ROBO2: variants seen among roughly 807,000 people sequenced by gnomAD.
ROBO2 encodes roundabout homolog 2.
A neutral mutation model predicts 160.8 loss-of-function variants in ROBO2; 53 were observed. That is an observed-to-expected ratio of 0.33 (90% confidence interval 0.26 to 0.41). The LOEUF is 0.41. ROBO2 is among the 10% of genes least tolerant of loss of function. The pLI, the probability that ROBO2 is intolerant of heterozygous loss-of-function variation, is 1.00. For missense variants in ROBO2, 1,577 were observed against 1,722.4 expected, an observed-to-expected ratio of 0.92 and a Z score of 1.49; for synonymous variants, 664 against 611.7, an observed-to-expected ratio of 1.09 and a Z score of -1.26.
chr3:76,941,513 A>G (rs771865057), intron 2 of ROBO2, among the ~76,000 whole-genome samples: 1 of 152,166 alleles, frequency 6.6e-6, no homozygotes, highest in Non-Finnish European at 1.5e-5. Context: ...GGCTTCAGCT[A>G]CACTAGTCTT....
chr3:77,627,037 G>A (rs6802836), intron 23 of ROBO2, among the ~76,000 whole-genome samples: 110,729 of 152,020 alleles, frequency 0.73, 40,501 homozygotes, highest in East Asian at 0.84. Flanking sequence ...TTTAGTATTA[G>A]GGAAAAGTTC....
intron 2 of ROBO2, among the ~76,000 whole-genome samples, chr3:76,133,362 A>G (rs1013047737): frequency 2.0e-5 from 3 of 151,652 alleles, no homozygotes; most frequent in Non-Finnish European, 4.4e-5. Context: ...TCAAATATAT[A>G]TTTTCTCTAG....
intron 21 of ROBO2, among the ~76,000 whole-genome samples, chr3:77,616,592 G>A (rs1487196235): frequency 6.6e-6 from 1 of 152,062 alleles, no homozygotes. Flanking sequence ...GATTCACTAG[G>A]TATTTAAGAG....
chr3:77,239,817 G>A (rs12489283), intron 2 of ROBO2, among the ~76,000 whole-genome samples: 30,955 of 152,064 alleles, frequency 0.2, 3,546 homozygotes, highest in East Asian at 0.48. Flanking sequence ...CCTTGAGCTA[G>A]ACACAGAGTG....
chr3:76,739,976 T>A (rs777483139), intron 2 of ROBO2, among the ~76,000 whole-genome samples: 6 of 152,212 alleles, frequency 3.9e-5, no homozygotes, highest in Non-Finnish European at 8.8e-5. Context: ...ATATTATGGG[T>A]CTTCCATTTC....
chr3:76,488,380 G>A (rs949032936), intron 2 of ROBO2, among the ~76,000 whole-genome samples: 1 of 152,108 alleles, frequency 6.6e-6, no homozygotes, highest in African/African-American at 2.4e-5. Context: ...CTCTCTGGCT[G>A]TTGAGCTGGA....
At chr3:77,547,600 G>A (rs2092747599) in intron 7 of ROBO2, among the ~76,000 whole-genome samples, 1 of 152,034 alleles carries the variant, frequency 6.6e-6, no homozygotes, top group African/African-American at 2.4e-5. Flanking sequence ...AATTGTTGTG[G>A]GTTTCTATAA....
intron 2 of ROBO2, among the ~76,000 whole-genome samples, chr3:76,894,204 A>G (rs897935656): frequency 2.4e-4 from 36 of 152,078 alleles, no homozygotes; most frequent in African/African-American, 6.5e-4. Context: ...TGTTATTTCA[A>G]TGCATTTTGG....
At chr3:77,595,205 CATT>C (rs2094273688) in intron 18 of ROBO2, 21 bp downstream of exon 19, 1 of 1,583,778 alleles carries the variant, frequency 6.3e-7, no homozygotes. Context: ...GAGATTGTTT[CATT>C]ATTATTTTTA....
chr3:77,170,520 C>T (rs2079533875), intron 2 of ROBO2, among the ~76,000 whole-genome samples: 1 of 151,952 alleles, frequency 6.6e-6, no homozygotes, highest in Non-Finnish European at 1.5e-5. Context: ...TCCAATAAGT[C>T]AGTAAGCATT....
intron 2 of ROBO2, among the ~76,000 whole-genome samples, chr3:77,309,355 A>T (rs1309094403): frequency 6.6e-6 from 1 of 152,182 alleles, no homozygotes; most frequent in Non-Finnish European, 1.5e-5. Context: ...TGTGATACCA[A>T]TTACAAGAAG....
intron 2 of ROBO2, among the ~76,000 whole-genome samples, chr3:77,160,368 C>G (rs908150773): frequency 4.6e-5 from 7 of 151,890 alleles, no homozygotes; most frequent in African/African-American, 7.3e-5. Context: ...TTGGAAAATA[C>G]TTTTTTCTTA....
chr3:76,294,615 G>A (rs184837588), intron 2 of ROBO2, among the ~76,000 whole-genome samples: 5 of 152,094 alleles, frequency 3.3e-5, no homozygotes, highest in South Asian at 2.1e-4. Context: ...GAAATGTGAC[G>A]GTAGAATGCT....
At chr3:77,625,116 T>A (rs2094983610) in intron 23 of ROBO2, among the ~76,000 whole-genome samples, 1 of 152,018 alleles carries the variant, frequency 6.6e-6, no homozygotes, top group African/African-American at 2.4e-5. Context: ...TTGTGAGGGA[T>A]CTCTTAAATT....
intron 2 of ROBO2, among the ~76,000 whole-genome samples, chr3:76,760,486 C>T (rs1367375195): frequency 1.3e-5 from 2 of 151,636 alleles, no homozygotes; most frequent in Non-Finnish European, 3.0e-5. Flanking sequence ...TTTCTGGCTT[C>T]AAGAAAAGGC....
At chr3:76,100,042 G>A (rs989844067) in intron 2 of ROBO2, among the ~76,000 whole-genome samples, 5 of 152,182 alleles carry the variant, frequency 3.3e-5, no homozygotes, top group African/African-American at 1.2e-4. Context: ...ATAGCCTCAT[G>A]CATAGTCCTG....
At chr3:77,141,283 GCC>G (rs149819210) in intron 2 of ROBO2, among the ~76,000 whole-genome samples, 10 of 146,968 alleles carry the variant, frequency 6.8e-5, no homozygotes, top group African/African-American at 2.5e-4. Context: ...TACATATAAA[GCC>G]CCCCCCCCTT....
chr3:76,261,022 G>A (rs1706710694), intron 2 of ROBO2, among the ~76,000 whole-genome samples: 1 of 151,998 alleles, frequency 6.6e-6, no homozygotes, highest in Admixed American at 6.6e-5. Flanking sequence ...TAGTAAGAAA[G>A]ATACTGAAAT....
At chr3:76,269,974 G>A (rs1404183537) in intron 2 of ROBO2, among the ~76,000 whole-genome samples, 1 of 151,986 alleles carries the variant, frequency 6.6e-6, no homozygotes, top group Non-Finnish European at 1.5e-5. Context: ...TAGTAATAAG[G>A]AAATTGCAAG....
Sources: gnomAD v4.1 joint callset for allele counts (sites outside exome capture counted in the v4.1 genomes callset) on GRCh38, gnomAD v4.1.1 for gene constraint, MANE v1.5 for transcripts, NCBI Gene and HGNC (gene_info 2026-07-23, HGNC 2026-07-21) for gene names.